Variants in NR3C2 observed in about 807,000 individuals in gnomAD.
NR3C2 encodes mineralocorticoid receptor.
A neutral mutation model predicts 86.4 loss-of-function variants in NR3C2; 15 were observed. The ratio of observed to expected loss-of-function variants is 0.17; its 90% CI spans 0.12 to 0.27. NR3C2 has a LOEUF of 0.27. Ranked by LOEUF, NR3C2 falls within the 10% of genes least tolerant of loss-of-function variation. NR3C2 has a pLI of 1.00. For synonymous variants in NR3C2, 458 were observed against 450.5 expected (o/e 1.02, Z -0.21); for missense variants, 960 against 1,195.6 (o/e 0.80, Z 2.91).
chr4:148,189,483 T>G (rs1423802189), intron 4 of NR3C2, among the ~76,000 whole-genome samples: 6 of 152,220 alleles, frequency 3.9e-5, no homozygotes, highest in Admixed American at 3.9e-4. Flanking sequence ...GCATCGGCGA[T>G]ATCAGTCTGT....
intron 2 of NR3C2, among the ~76,000 whole-genome samples, chr4:148,411,619 CT>C (rs1472214367): frequency 7.9e-5 from 12 of 152,088 alleles, no homozygotes; most frequent in Admixed American, 3.9e-4. Flanking sequence ...GTTTTTCTTT[CT>C]TTTTAATTCA....
At chr4:148,176,005 A>G (rs1217232739) in intron 4 of NR3C2, among the ~76,000 whole-genome samples, 3 of 152,206 alleles carry the variant, frequency 2.0e-5, no homozygotes, top group African/African-American at 7.2e-5. Flanking sequence ...AAAATTTTAA[A>G]TTGTTCATAA....
chr4:148,378,882 A>T (rs1210490773), intron 2 of NR3C2, among the ~76,000 whole-genome samples: 1 of 152,240 alleles, frequency 6.6e-6, no homozygotes, highest in East Asian at 1.9e-4. Flanking sequence ...GATACATTGC[A>T]CCATGATTTA....
chr4:148,444,698 T>C (rs1341245282), upstream of NR3C2: 1 of 984,954 alleles, frequency 1.0e-6, no homozygotes. Context: ...GGTAGAGCAA[T>C]AGTGCTGTTA....
At position 148,168,476 on chromosome 4, in the gene NR3C2, T is replaced by C. The variant is rs1033290476; in HGVS notation, c.2015-13575A>G. Reference sequence around the variant, plus strand: ...AGGGTTCCAGCTGATAGAGGTGGCATGTACACGGAGACTCACCATTTCAAG... The same window carrying C: ...AGGGTTCCAGCTGATAGAGGTGGCACGTACACGGAGACTCACCATTTCAAG... On this transcript the variant is annotated intron_variant, in intron 4 of 8. Coordinates refer to ENST00000358102, the MANE Select transcript of NR3C2 (RefSeq NM_000901.5). Among the ~76,000 whole-genome samples, 6 of 152,350 alleles carry C rather than the reference T, an allele frequency of 3.9e-5. No homozygotes were observed. The East Asian group carries it at 5.8e-4, about 15-fold the overall frequency.
intron 2 of NR3C2, among the ~76,000 whole-genome samples, chr4:148,350,420 C>A (rs1253312755): frequency 6.6e-6 from 1 of 152,034 alleles, no homozygotes; most frequent in Non-Finnish European, 1.5e-5. Context: ...AACTAGATAT[C>A]CTTTAATTTT....
At chr4:148,376,616 T>C (rs1435117570) in intron 2 of NR3C2, among the ~76,000 whole-genome samples, 1 of 152,220 alleles carries the variant, frequency 6.6e-6, no homozygotes, top group Non-Finnish European at 1.5e-5. Flanking sequence ...TATCTATTAA[T>C]TTAGTTTTAA....
At chr4:148,418,835 A>T (rs1028974167) in intron 2 of NR3C2, among the ~76,000 whole-genome samples, 2 of 152,198 alleles carry the variant, frequency 1.3e-5, no homozygotes, top group African/African-American at 4.8e-5. Context: ...CTTAGAGAGG[A>T]TAGGTAACTT....
chr4:148,248,402 C>A (rs1739419006), intron 3 of NR3C2, among the ~76,000 whole-genome samples: 1 of 152,152 alleles, frequency 6.6e-6, no homozygotes, highest in African/African-American at 2.4e-5. Flanking sequence ...CTAGACTAAT[C>A]CTGCACTGGT....
Position 148,188,022 on chromosome 4 carries a change from T to C in NR3C2, c.2014+6724A>G, listed in dbSNP as rs76034078. On this transcript the variant is annotated intron_variant, in intron 4 of 8. Transcript: ENST00000358102. ...GTTTATTTGTCAAAGATCAGTTGGC[T>C]CTAAGTATCTGGGTTTATTTCTGGG... 3.3e-5 allele frequency among the ~76,000 whole-genome samples: 5 copies of C among 152,332 alleles called. No homozygotes were observed. In the East Asian group the frequency reaches 9.6e-4, roughly 29 times the overall value.
chr4:148,352,580 G>T (rs1273437860), intron 2 of NR3C2, among the ~76,000 whole-genome samples: 4 of 152,108 alleles, frequency 2.6e-5, no homozygotes, highest in East Asian at 1.9e-4. Context: ...CAACAGCAGG[G>T]TGTTGGGAAA....
intron 2 of NR3C2, among the ~76,000 whole-genome samples, chr4:148,375,168 A>G (rs917460559): frequency 6.6e-6 from 1 of 152,146 alleles, no homozygotes; most frequent in East Asian, 1.9e-4. Context: ...ATAAAACTGC[A>G]AAATCGGCTG....
chr4:148,239,445 A>G (rs933915478), intron 3 of NR3C2, among the ~76,000 whole-genome samples: 3 of 151,854 alleles, frequency 2.0e-5, no homozygotes, highest in South Asian at 4.2e-4. Context: ...ACCTACCCAC[A>G]CTCTTGAAGA....
rs1744302780 is a variant in NR3C2 at position 148,332,970 on chromosome 4, A to G, written c.1758-72853T>C. 5.3e-5 allele frequency among the ~76,000 whole-genome samples: 8 copies of G among 152,292 alleles called. No homozygotes were observed. The South Asian group carries it at 1.7e-3, about 32-fold the overall frequency. On this transcript the variant is annotated intron_variant, in intron 2 of 8. Coordinates refer to ENST00000358102, the MANE Select transcript of NR3C2 (RefSeq NM_000901.5). ...AATAACAAGACACACACTCTGGATA[A>G]AAAATAACTTTCTGGCTGGGCACAG...
intron 2 of NR3C2, among the ~76,000 whole-genome samples, chr4:148,277,718 T>C (rs920444938): frequency 2.6e-5 from 4 of 152,220 alleles, no homozygotes; most frequent in African/African-American, 9.6e-5. Flanking sequence ...TGTACACAAA[T>C]GGTGACCAAA....
At chr4:148,337,444 C>G (rs1331053813) in intron 2 of NR3C2, among the ~76,000 whole-genome samples, 1 of 152,156 alleles carries the variant, frequency 6.6e-6, no homozygotes, top group Non-Finnish European at 1.5e-5. Flanking sequence ...CCACTTCTGA[C>G]ATAGAAGTTA....
At chr4:148,212,016 A>G (rs956402959) in intron 3 of NR3C2, among the ~76,000 whole-genome samples, 1 of 152,096 alleles carries the variant, frequency 6.6e-6, no homozygotes, top group Admixed American at 6.6e-5. Context: ...CTGAACCTCA[A>G]CCTTCCTTGG....
chr4:148,221,112 A>C (rs1737816583), intron 3 of NR3C2, among the ~76,000 whole-genome samples: 1 of 152,224 alleles, frequency 6.6e-6, no homozygotes, highest in South Asian at 2.1e-4. Flanking sequence ...GCTCAAACAG[A>C]CCGCCTCTGC....
rs1319833626 is a variant in NR3C2, at chr4:148,079,273, T to TAAAG, written c.*2067_*2070dup. The stretch of plus-strand genomic sequence containing the variant: ...CTGTGCACCGTAAGTTGACTGTATT[T>TAAAG]AAAGATCTGCCTATAAATTAAATTC... On this transcript the variant is annotated 3_prime_UTR_variant, in exon 9 of 9. Coordinates refer to ENST00000358102, the MANE Select transcript of NR3C2 (RefSeq NM_000901.5). The TAAAG allele has an allele frequency of 2.0e-5, 3 of 152,256 alleles. No individual in the cohort carries two copies. Among genetic ancestry groups the TAAAG allele is most frequent in the Non-Finnish European group, 4.4e-5 (3 of 68,046 alleles). 9.4% of individuals were successfully genotyped at this position (152,256 alleles called of 1,614,324 possible).
Sources: allele counts gnomAD v4.1 joint callset (sites outside exome capture counted in the v4.1 genomes callset), GRCh38; gene constraint gnomAD v4.1.1; transcripts MANE v1.5; gene names NCBI Gene and HGNC (gene_info 2026-07-23, HGNC 2026-07-21).